Variants in COL11A2 observed in about 807,000 individuals in gnomAD.
The protein encoded by COL11A2 is collagen type XI alpha 2 chain, also known as collagen alpha-2(XI) chain.
A neutral mutation model predicts 273.4 loss-of-function variants in COL11A2; 116 were observed. That is an observed-to-expected ratio of 0.42 (90% confidence interval 0.36 to 0.49). The LOEUF is 0.49. COL11A2 is among the 20% of genes least tolerant of loss of function. The pLI, the probability that COL11A2 is intolerant of heterozygous loss-of-function variation, is 0.00. For synonymous variants in COL11A2, 782 were observed against 864.2 expected (o/e 0.90, Z 1.67); for missense variants, 1,866 against 2,309.0 (o/e 0.81, Z 3.93).
chr6:33,180,483 T>A, intron 11 of COL11A2, 151 bp from the exon 12 acceptor site: 1 of 936,744 alleles, frequency 1.1e-6, no homozygotes, highest in Admixed American at 2.4e-5. Flanking sequence ...AAATTGAGGG[T>A]GAGAAACCAG....
chr6:33,166,023 G>A lies in COL11A2; in HGVS notation c.4429-39C>T. ...AATCAGGTCATGGAGGGGTCAAGAG[G>A]TCAAGCATGGATCAAGGTCACAGAA... On this transcript the variant is annotated intron_variant, in intron 61 of 65. Coordinates refer to ENST00000341947, the MANE Select transcript of COL11A2 (RefSeq NM_080680.3). This position sits in a 1 kb window ranked among gnomAD's most constrained non-coding sequence, Gnocchi z 4.8. The A allele has an allele frequency of 6.2e-7, 1 of 1,613,422 alleles. No homozygotes were observed. Among genetic ancestry groups the A allele is most frequent in the Non-Finnish European group, 8.5e-7 (1 of 1,179,562 alleles).
At position 33,170,511 on chromosome 6, in the gene COL11A2, G is replaced by T; in HGVS notation, c.3528+46C>A. Reference sequence around the variant, plus strand: ...TGTGGGGTGGGGGCTGGCCAGGGAGGGGGGTGACTAGTATGGTGGCTAGGG... The same window carrying T: ...TGTGGGGTGGGGGCTGGCCAGGGAGTGGGGTGACTAGTATGGTGGCTAGGG... On this transcript the variant is annotated intron_variant, in intron 47 of 65. Transcript: ENST00000341947. This position sits in a 1 kb window ranked among gnomAD's most constrained non-coding sequence, Gnocchi z 4.3. The T allele has an allele frequency of 6.2e-7, 1 of 1,606,314 alleles. No homozygotes were observed. The highest frequency in any genetic ancestry group is 8.5e-7 in the Non-Finnish European group (1 of 1,175,166).
intron 40 of COL11A2, 64 bp from the exon 41 acceptor site, chr6:33,172,167 G>A (rs866618573): frequency 6.2e-7 from 1 of 1,605,558 alleles, no homozygotes. Flanking sequence ...AGCTGGAGAG[G>A]GAAGACAGGC....
At position 33,177,451 on chromosome 6, in the gene COL11A2, C is replaced by T. The variant is rs755299368; in HGVS notation, c.1932G>A (p.Glu644=). Residue 644 remains glutamate (E), a synonymous_variant, in exon 23 of 66, where the codon GAG becomes GAA. Coordinates refer to ENST00000341947, the MANE Select transcript of COL11A2 (RefSeq NM_080680.3). The surrounding 1 kb of genome is among the most constrained non-coding windows in gnomAD (Gnocchi z 5.9). ...TGCCCTGTTGTCCAGGAGGTCCTGG[C>T]TCTCCCTGGGGTCCCTAGAAACAGG... is the stretch of plus-strand genomic sequence containing the variant. ...GPKGSLGPQG[E]PGPPGQQGTP... is the part of the protein sequence containing the mutation. 1.9e-6 allele frequency: 3 copies of T among 1,612,836 alleles called. No homozygotes were observed. The highest frequency in any genetic ancestry group is 1.3e-5 in the African/African-American group (1 of 74,908).
Position 33,166,016 on chromosome 6 carries a change from T to C in COL11A2, c.4429-32A>G, listed in dbSNP as rs750347700. ...AGGAATAAATCAGGTCATGGAGGGG[T>C]CAAGAGGTCAAGCATGGATCAAGGT... On this transcript the variant is annotated intron_variant, in intron 61 of 65. Transcript: ENST00000341947. This position sits in a 1 kb window ranked among gnomAD's most constrained non-coding sequence, Gnocchi z 4.8. 9 of 1,613,194 alleles carry C rather than the reference T, an allele frequency of 5.6e-6. No individual in the cohort carries two copies. The highest frequency in any genetic ancestry group is 5.5e-5 in the South Asian group (5 of 91,036).
At position 33,189,280 on chromosome 6, in the gene COL11A2, AT is replaced by A. The variant is rs1181010342; in HGVS notation, c.232+39del. On this transcript the variant is annotated intron_variant, in intron 2 of 65. Coordinates refer to ENST00000341947, the MANE Select transcript of COL11A2 (RefSeq NM_080680.3). This position sits in a 1 kb window ranked among gnomAD's most constrained non-coding sequence, Gnocchi z 5.6. ...GGTGTCTGATCCTAGGCCCCATCCC[AT>A]TACCTCCCCCCAGGCCTACCCCACC... 1.2e-6 allele frequency: 2 copies of A among 1,613,916 alleles called. No individual in the cohort carries two copies. Among genetic ancestry groups the A allele is most frequent in the Non-Finnish European group, 1.7e-6 (2 of 1,179,942 alleles).
chr6:33,191,540 T>G (rs1333110091), intron 1 of COL11A2, among the ~76,000 whole-genome samples: 21 of 152,040 alleles, frequency 1.4e-4, no homozygotes, highest in Non-Finnish European at 1.5e-5. Flanking sequence ...ATGCAAAGAG[T>G]TGGCTCTGGC....
chr6:33,193,084 C>A (rs191062494), upstream of COL11A2, among the ~76,000 whole-genome samples: 693 of 152,086 alleles, frequency 4.6e-3, 2 homozygotes, highest in African/African-American at 0.016. Context: ...GTTAGGGAGT[C>A]CCAGAGCCGA....
chr6:33,177,059 A>G lies in COL11A2; in HGVS notation c.2017-14T>C. 2 of 1,612,530 alleles carry G rather than the reference A, an allele frequency of 1.2e-6. No individual in the cohort carries two copies. Among genetic ancestry groups the G allele is most frequent in the South Asian group, 1.1e-5 (1 of 91,028 alleles). On this transcript the variant is annotated splice_polypyrimidine_tract_variant and intron_variant, in intron 24 of 65. Coordinates refer to ENST00000341947, the MANE Select transcript of COL11A2 (RefSeq NM_080680.3). This position sits in a 1 kb window ranked among gnomAD's most constrained non-coding sequence, Gnocchi z 5.9. The stretch of plus-strand genomic sequence containing the variant: ...CCCTTGAGGACCCTGCAGGAAGACA[A>G]AGAGGCTCAGGGTCACTAGAGGGGT...
intron 6 of COL11A2, 126 bp from the exon 7 acceptor site, chr6:33,185,180 A>C: frequency 1.3e-6 from 1 of 742,944 alleles, no homozygotes. Flanking sequence ...GGGATGGGGG[A>C]AATCTCAGAT....
At position 33,166,031 on chromosome 6, in the gene COL11A2, T is replaced by G. The variant is rs1467364630; in HGVS notation, c.4429-47A>C. 8 of 1,612,880 alleles carry G rather than the reference T, an allele frequency of 5.0e-6. No homozygotes were observed. Among genetic ancestry groups the G allele is most frequent in the Non-Finnish European group, 6.8e-6 (8 of 1,179,264 alleles). On this transcript the variant is annotated intron_variant, in intron 61 of 65. Coordinates refer to ENST00000341947, the MANE Select transcript of COL11A2 (RefSeq NM_080680.3). This position sits in a 1 kb window ranked among gnomAD's most constrained non-coding sequence, Gnocchi z 4.8. ...CATGGAGGGGTCAAGAGGTCAAGCA[T>G]GGATCAAGGTCACAGAAAGATCAAA...
intron 8 of COL11A2, among the ~76,000 whole-genome samples, chr6:33,183,173 C>T (rs1290138462): frequency 1.3e-5 from 2 of 152,098 alleles, no homozygotes; most frequent in Non-Finnish European, 2.9e-5. Context: ...GATATGAGAA[C>T]AACTAAGGGA....
At position 33,170,966 on chromosome 6, in the gene COL11A2, G is replaced by A. The variant is rs1769959293; in HGVS notation, c.3367-49C>T. 6.6e-7 allele frequency: 1 copy of A among 1,516,106 alleles called. No homozygotes were observed. The highest frequency in any genetic ancestry group is 1.9e-5 in the Admixed American group (1 of 51,450). 93.9% of individuals were successfully genotyped at this position (1,516,106 alleles called of 1,614,324 possible). ...GACAAGGACACAGGGATGGGTCATGGGTCAGGTGTTCTCTATCCACAAATA... is the reference window on the plus strand; with the variant it reads ...GACAAGGACACAGGGATGGGTCATGAGTCAGGTGTTCTCTATCCACAAATA... On this transcript the variant is annotated intron_variant, in intron 45 of 65. Coordinates refer to ENST00000341947, the MANE Select transcript of COL11A2 (RefSeq NM_080680.3). This position sits in a 1 kb window ranked among gnomAD's most constrained non-coding sequence, Gnocchi z 4.3.
chr6:33,192,687 T>C (rs1044901834), upstream of COL11A2, among the ~76,000 whole-genome samples: 1 of 151,862 alleles, frequency 6.6e-6, no homozygotes, highest in African/African-American at 2.4e-5. Context: ...AACCCCAATA[T>C]CTTCCCTAGC....
intron 53 of COL11A2, 49 bp from the exon 54 acceptor site, chr6:33,168,621 G>A: frequency 6.2e-7 from 1 of 1,607,248 alleles, no homozygotes; most frequent in Non-Finnish European, 8.5e-7. Flanking sequence ...TCCAGCCAAG[G>A]GACCCCTCAG....
Position 33,179,169 on chromosome 6 carries a change from G to A in COL11A2, c.1558-43C>T, listed in dbSNP as rs746724111. 5 of 1,611,930 alleles carry A rather than the reference G, an allele frequency of 3.1e-6. No individual in the cohort carries two copies. Among genetic ancestry groups the A allele is most frequent in the Non-Finnish European group, 4.2e-6 (5 of 1,179,082 alleles). On this transcript the variant is annotated intron_variant, in intron 15 of 65. Transcript: ENST00000341947. This position sits in a 1 kb window ranked among gnomAD's most constrained non-coding sequence, Gnocchi z 6.4. ...GGGGTGGGGTTAGGAGGCATAGGGA[G>A]GGGAGTGAGGGAGACTGAGCTGGTG...
intron 3 of COL11A2, 104 bp downstream of exon 3, chr6:33,188,873 TG>T: frequency 1.5e-6 from 2 of 1,301,532 alleles, no homozygotes; most frequent in Non-Finnish European, 1.1e-6. Context: ...AGGTGTGGTG[TG>T]GCCCAAAGGG....
rs1311974721 is a variant in COL11A2 at position 33,179,807 on chromosome 6, T to A, written c.1360-2A>T. 1.9e-6 allele frequency: 3 copies of A among 1,610,492 alleles called. No homozygotes were observed. Among genetic ancestry groups the A allele is most frequent in the Non-Finnish European group, 2.5e-6 (3 of 1,179,864 alleles). On this transcript the variant is annotated splice_acceptor_variant, in intron 12 of 65. Transcript: ENST00000341947. LOFTEE classifies it high-confidence loss of function. This position sits in a 1 kb window ranked among gnomAD's most constrained non-coding sequence, Gnocchi z 6.4. ...ACCCCCACCACTGCCAAACCGGAACTGAGGTCAAGGAGAGAAGGTCCAGGT... is the reference window on the plus strand; with the variant it reads ...ACCCCCACCACTGCCAAACCGGAACAGAGGTCAAGGAGAGAAGGTCCAGGT...
Position 33,163,676 on chromosome 6 carries a change from T to C in COL11A2, c.*2A>G, listed in dbSNP as rs1768656179. 1 of 1,612,836 alleles carries C rather than the reference T, an allele frequency of 6.2e-7. No individual in the cohort carries two copies. The highest frequency in any genetic ancestry group is 1.7e-5 in the Admixed American group (1 of 60,014). ...AATGGACAGGATCAGACAGAGACGG[T>C]CCTATCCCATGAAGCAGACAGGCCC... On this transcript the variant is annotated 3_prime_UTR_variant, in exon 66 of 66. Coordinates refer to ENST00000341947, the MANE Select transcript of COL11A2 (RefSeq NM_080680.3). The surrounding 1 kb of genome is among the most constrained non-coding windows in gnomAD (Gnocchi z 4.1).
Sources: gnomAD v4.1 joint callset for allele counts (sites outside exome capture counted in the v4.1 genomes callset) on GRCh38, gnomAD v4.1.1 for gene constraint, Gnocchi (gnomAD v3.1) non-coding constraint, MANE v1.5 for transcripts, NCBI Gene and HGNC (gene_info 2026-07-23, HGNC 2026-07-21) for gene names.